Variants in ODAD2 observed in about 807,000 individuals in gnomAD.
ODAD2 encodes outer dynein arm-docking complex subunit 2.
ODAD2 carries 89 observed loss-of-function variants against 106.8 expected under a neutral mutation model. The observed-to-expected ratio is 0.83, with a 90% CI of 0.70 to 0.99. ODAD2 has a LOEUF of 0.99. Among genes scored for constraint, ODAD2 ranks in the 50% least tolerant of loss-of-function variants. The probability of loss-of-function intolerance (pLI) is 0.00; values close to 1 mark genes in which losing one functional copy is unlikely to be tolerated. For missense variants in ODAD2, 1,168 were observed against 1,238.5 expected, an observed-to-expected ratio of 0.94 and a Z score of 0.85; for synonymous variants, 404 against 436.2, an observed-to-expected ratio of 0.93 and a Z score of 0.92.
chr10:27,979,355 T>A (rs1169900967), intron 7 of ODAD2, among the ~76,000 whole-genome samples: 1 of 146,946 alleles, frequency 6.8e-6, no homozygotes, highest in African/African-American at 2.5e-5. Context: ...TGCAAAAGAG[T>A]CTAAATTGGA....
intron 19 of ODAD2, among the ~76,000 whole-genome samples, chr10:27,850,318 G>A (rs1024245188): frequency 6.6e-5 from 10 of 151,892 alleles, no homozygotes; most frequent in East Asian, 1.9e-4. Context: ...GGTGGCAGGC[G>A]CCTGTAGTCG....
chr10:27,963,785 C>T (rs1392718809), intron 9 of ODAD2, among the ~76,000 whole-genome samples: 1 of 144,952 alleles, frequency 6.9e-6, no homozygotes, highest in Non-Finnish European at 1.5e-5. Flanking sequence ...AATTTCATTA[C>T]CCTTTTTTGA....
intron 17 of ODAD2, among the ~76,000 whole-genome samples, chr10:27,892,580 T>A (rs746288840): frequency 2.0e-5 from 3 of 152,226 alleles, no homozygotes; most frequent in African/African-American, 7.2e-5. Context: ...CAATAACTAT[T>A]ACATACTTGC....
intron 2 of ODAD2, among the ~76,000 whole-genome samples, chr10:27,990,642 C>G (rs1300592218): frequency 1.3e-5 from 2 of 152,192 alleles, no homozygotes; most frequent in Non-Finnish European, 2.9e-5. Context: ...TACCAAAATG[C>G]AATAATTATT....
rs117370159 is a variant in ODAD2, at chr10:27,951,013, G to A, written c.1387-6051C>T. On this transcript the variant is annotated intron_variant, in intron 10 of 19. Transcript: ENST00000305242. ...TTAACTTGAAAAAAGTTCCCATGTC[G>A]GGATTAGCAAAATAATAATAAAAAT... Among the ~76,000 whole-genome samples the A allele has an allele frequency of 7.7e-3, 1,175 of 151,902 alleles. 13 individuals are homozygous for A. Among genetic ancestry groups the A allele is most frequent in the Middle Eastern group, 0.024 (7 of 294 alleles).
At chr10:27,819,827 T>C (rs1345238460) in intron 19 of ODAD2, among the ~76,000 whole-genome samples, 1 of 85,238 alleles carries the variant, frequency 1.2e-5, no homozygotes, top group African/African-American at 4.5e-5. Flanking sequence ...AGAGACCTTA[T>C]CTCTTTAAAA....
chr10:27,898,917 A>T (rs1309744111), intron 17 of ODAD2, among the ~76,000 whole-genome samples: 1 of 152,116 alleles, frequency 6.6e-6, no homozygotes, highest in Non-Finnish European at 1.5e-5. Flanking sequence ...ACACATTACA[A>T]TTCGCTTTTT....
At chr10:27,996,957 A>C (rs1054488402) in intron 1 of ODAD2, among the ~76,000 whole-genome samples, 8 of 152,180 alleles carry the variant, frequency 5.3e-5, no homozygotes, top group African/African-American at 1.9e-4. Context: ...TACAGTTAGC[A>C]CACTATCAAT....
At chr10:27,983,261 T>C (rs1849672162) in intron 6 of ODAD2, among the ~76,000 whole-genome samples, 1 of 152,186 alleles carries the variant, frequency 6.6e-6, no homozygotes, top group Non-Finnish European at 1.5e-5. Flanking sequence ...CTGCCATCTC[T>C]ACAAGGATCC....
chr10:27,872,480 T>C (rs1315560564), intron 17 of ODAD2, among the ~76,000 whole-genome samples: 2 of 151,910 alleles, frequency 1.3e-5, no homozygotes, highest in Non-Finnish European at 2.9e-5. Context: ...CAGGATGATA[T>C]TGGCTGTGGG....
chr10:27,832,024 C>T (rs956606696), intron 19 of ODAD2, among the ~76,000 whole-genome samples: 5 of 152,258 alleles, frequency 3.3e-5, no homozygotes, highest in African/African-American at 1.2e-4. Flanking sequence ...GGGGCTTCCC[C>T]TGAAGGCTGG....
At chr10:27,884,739 A>G (rs1841960268) in intron 17 of ODAD2, among the ~76,000 whole-genome samples, 1 of 152,158 alleles carries the variant, frequency 6.6e-6, no homozygotes, top group African/African-American at 2.4e-5. Context: ...AGTACAACTG[A>G]ATGCCTAAGA....
chr10:27,845,975 G>T (rs1159813524), intron 19 of ODAD2, among the ~76,000 whole-genome samples: 1 of 152,144 alleles, frequency 6.6e-6, no homozygotes, highest in Non-Finnish European at 1.5e-5. Flanking sequence ...ATAATAATGG[G>T]AGACTTTAAC....
intron 17 of ODAD2, among the ~76,000 whole-genome samples, chr10:27,882,225 G>GAAAGAA (rs1554799102): frequency 3.3e-5 from 5 of 150,724 alleles, no homozygotes; most frequent in South Asian, 2.1e-4. Context: ...AAGAAAGAAA[G>GAAAGAA]AAAGAAAGAA....
intron 7 of ODAD2, among the ~76,000 whole-genome samples, chr10:27,976,227 G>A (rs1849179351): frequency 6.6e-6 from 1 of 152,042 alleles, no homozygotes. Context: ...TTTTACTGGT[G>A]ATTCCAGCTA....
rs1850140932 is a variant in ODAD2 at position 27,990,230 on chromosome 10, C to T, written c.225-2687G>A. Among the ~76,000 whole-genome samples the T allele has an allele frequency of 3.3e-5, 5 of 152,258 alleles. No homozygotes were observed. In the South Asian group the frequency reaches 8.3e-4, roughly 25 times the overall value. Reference sequence around the variant, plus strand: ...TGGCACAATCATAGCTCTCTGCAGCCTCGAACTCCTGGGCTCAAGGGATTC... The same window carrying T: ...TGGCACAATCATAGCTCTCTGCAGCTTCGAACTCCTGGGCTCAAGGGATTC... On this transcript the variant is annotated intron_variant, in intron 2 of 19. Transcript: ENST00000305242.
At chr10:27,919,495 A>G (rs941274286) in intron 16 of ODAD2, among the ~76,000 whole-genome samples, 1 of 152,154 alleles carries the variant, frequency 6.6e-6, no homozygotes, top group African/African-American at 2.4e-5. Flanking sequence ...AAAAATGGGC[A>G]AAAGACTTTA....
chr10:27,825,287 T>A (rs998549028), intron 19 of ODAD2, among the ~76,000 whole-genome samples: 6 of 152,324 alleles, frequency 3.9e-5, no homozygotes, highest in African/African-American at 1.4e-4. Flanking sequence ...AAGTTCTCAA[T>A]ACGCAAAAAG....
At chr10:27,907,213 G>A (rs1843661463) in intron 17 of ODAD2, among the ~76,000 whole-genome samples, 1 of 152,160 alleles carries the variant, frequency 6.6e-6, no homozygotes, top group South Asian at 2.1e-4. Context: ...AGAAAAGTGA[G>A]AGTCATTGAA....
Sources: gnomAD v4.1 joint callset for allele counts (sites outside exome capture counted in the v4.1 genomes callset) on GRCh38, gnomAD v4.1.1 for gene constraint, MANE v1.5 for transcripts, NCBI Gene and HGNC (gene_info 2026-07-23, HGNC 2026-07-21) for gene names.